FGF14: variants seen among roughly 807,000 people sequenced by gnomAD.
FGF14 encodes the protein fibroblast growth factor 14.
A neutral mutation model predicts 25.5 loss-of-function variants in FGF14; 5 were observed. That is an observed-to-expected ratio of 0.20 (90% CI 0.10 to 0.41). The LOEUF (loss-of-function observed/expected upper bound fraction) is 0.41. Ranked by LOEUF, FGF14 falls within the 10% of genes least tolerant of loss-of-function variation. The pLI, the probability that FGF14 is intolerant of heterozygous loss-of-function variation, is 1.00. For synonymous variants in FGF14, 138 were observed against 118.3 expected (o/e 1.17, Z -1.08); for missense variants, 222 against 320.1 (o/e 0.69, Z 2.34).
intron 3 of FGF14, among the ~76,000 whole-genome samples, chr13:101,797,799 CAG>C (rs1164191264): frequency 7.7e-6 from 1 of 129,310 alleles, no homozygotes; most frequent in Admixed American, 7.9e-5. Flanking sequence ...TCAGTAGAAA[CAG>C]AGATGGTTAG....
chr13:101,872,427 A>G lies in FGF14; in HGVS notation c.304+2759T>C, dbSNP rs7993112. Among the ~76,000 whole-genome samples the G allele has an allele frequency of 6.5e-3, 995 of 152,014 alleles. 9 individuals are homozygous for G. Among genetic ancestry groups the G allele is most frequent in the South Asian group, 0.013 (63 of 4,806 alleles). On this transcript the variant is annotated intron_variant, in intron 2 of 4. Coordinates refer to ENST00000376143, the MANE Select transcript of FGF14 (RefSeq NM_004115.4). ...TTACATCACCTCTGTCCTCACAACA[A>G]AAGAGCTGTACTCTAAGTAGGACCT...
intron 3 of FGF14, among the ~76,000 whole-genome samples, chr13:101,827,435 A>C (rs2042441986): frequency 6.6e-6 from 1 of 151,898 alleles, no homozygotes; most frequent in Non-Finnish European, 1.5e-5. Flanking sequence ...GAGTTTTTAT[A>C]TTTGTATTTT....
chr13:102,238,147 T>G (rs1014741303), intron 1 of FGF14, among the ~76,000 whole-genome samples: 6 of 152,182 alleles, frequency 3.9e-5, no homozygotes, highest in Non-Finnish European at 8.8e-5. Flanking sequence ...AAATTTGTAT[T>G]GTAAAGGCTG....
rs985686791 is a variant in FGF14, at chr13:102,401,432, T to G, written c.208+39A>C. ...AGCTCGATGAGCAACAGACAGGTTA[T>G]TATGAGGAAAAACATAACATGATGC... is the stretch of plus-strand genomic sequence containing the variant. On this transcript the variant is annotated intron_variant, in intron 1 of 4. Transcript: ENST00000376131. 3 of 1,586,308 alleles carry G rather than the reference T, an allele frequency of 1.9e-6. No homozygotes were observed. In the African/African-American group the frequency reaches 4.0e-5, roughly 21 times the overall value.
rs139905838 is a variant in FGF14, at chr13:101,951,196, C to G, written c.209-75900G>C. Among the ~76,000 whole-genome samples the G allele has an allele frequency of 4.8e-4, 73 of 152,182 alleles. 1 individual carries two copies. Among genetic ancestry groups the G allele is most frequent in the African/African-American group, 1.6e-3 (68 of 41,544 alleles). ...AAGAACGTTGTCCTTTATTAAGGAA[C>G]AAACATGGAAAATTGCCTAAGGTTT... On this transcript the variant is annotated intron_variant, in intron 1 of 4. Coordinates refer to the FGF14 transcript ENST00000376131.
intron 1 of FGF14, among the ~76,000 whole-genome samples, chr13:102,170,904 G>T (rs916791900): frequency 1.3e-4 from 20 of 152,028 alleles, no homozygotes; most frequent in Admixed American, 1.2e-3. Flanking sequence ...GGTGCAAAAT[G>T]GTTCATGTCA....
intron 3 of FGF14, among the ~76,000 whole-genome samples, chr13:101,759,058 C>T (rs1178990167): frequency 6.6e-6 from 1 of 152,202 alleles, no homozygotes; most frequent in Non-Finnish European, 1.5e-5. Flanking sequence ...CTTTCTGAGT[C>T]AAGTGCAGAA....
At chr13:102,268,999 T>C (rs2053124901) in intron 1 of FGF14, among the ~76,000 whole-genome samples, 1 of 152,192 alleles carries the variant, frequency 6.6e-6, no homozygotes, top group South Asian at 2.1e-4. Flanking sequence ...ATTAGCAATC[T>C]GGAGAGATAC....
chr13:102,076,175 C>T (rs569997330), intron 1 of FGF14, among the ~76,000 whole-genome samples: 64 of 152,326 alleles, frequency 4.2e-4, no homozygotes, highest in African/African-American at 1.5e-3. Flanking sequence ...TTCACATCCA[C>T]TCACCACTCA....
chr13:102,122,313 G>A (rs1458559409), intron 1 of FGF14, among the ~76,000 whole-genome samples: 1 of 152,212 alleles, frequency 6.6e-6, no homozygotes. Flanking sequence ...CCAAAGGCTC[G>A]TCAAACTGGA....
At chr13:101,939,550 AG>A (rs2035309383) in intron 1 of FGF14, among the ~76,000 whole-genome samples, 1 of 152,222 alleles carries the variant, frequency 6.6e-6, no homozygotes, top group Admixed American at 6.5e-5. Context: ...AGGAAGCCCC[AG>A]GGTGTTGGGT....
At chr13:102,265,543 T>A (rs2052946834) in intron 1 of FGF14, among the ~76,000 whole-genome samples, 1 of 152,172 alleles carries the variant, frequency 6.6e-6, no homozygotes, top group Non-Finnish European at 1.5e-5. Context: ...ATGTAAAATG[T>A]AAATATTGAC....
At chr13:101,868,639 G>C in intron 3 of FGF14, 86 bp downstream of exon 3, 1 of 889,768 alleles carries the variant, frequency 1.1e-6, no homozygotes. Flanking sequence ...AGAAACAACA[G>C]ACATAGAACT....
chr13:101,954,699 A>AGTGTGTGT (rs5806259), intron 1 of FGF14, among the ~76,000 whole-genome samples: 6 of 150,762 alleles, frequency 4.0e-5, no homozygotes, highest in South Asian at 4.2e-4. Flanking sequence ...ATTCACTGAA[A>AGTGTGTGT]GTGTGTGTGT....
intron 1 of FGF14, among the ~76,000 whole-genome samples, chr13:102,024,954 T>C (rs1021984792): frequency 7.3e-5 from 11 of 151,188 alleles, no homozygotes; most frequent in East Asian, 5.8e-4. Context: ...TATATATATA[T>C]ACATATGTAA....
intron 1 of FGF14, among the ~76,000 whole-genome samples, chr13:101,981,301 GC>G (rs2038246755): frequency 6.6e-6 from 1 of 151,882 alleles, no homozygotes; most frequent in African/African-American, 2.4e-5. Context: ...AATAAAAGAG[GC>G]CCCAGTAAGC....
intron 1 of FGF14, among the ~76,000 whole-genome samples, chr13:101,886,578 G>A (rs2045999585): frequency 6.6e-6 from 1 of 152,096 alleles, no homozygotes. Context: ...CGTAAGACCT[G>A]AAACTTTAAA....
At chr13:102,143,942 C>A (rs1262400304) in intron 1 of FGF14, among the ~76,000 whole-genome samples, 1 of 152,102 alleles carries the variant, frequency 6.6e-6, no homozygotes, top group Non-Finnish European at 1.5e-5. Context: ...CAGTTTCCTA[C>A]AAAGTAGAAG....
intron 1 of FGF14, among the ~76,000 whole-genome samples, chr13:102,216,283 C>T (rs2050366868): frequency 6.6e-6 from 1 of 152,128 alleles, no homozygotes; most frequent in Non-Finnish European, 1.5e-5. Context: ...GATAGAATGC[C>T]TGGCTTCACC....
Sources: allele counts gnomAD v4.1 joint callset (sites outside exome capture counted in the v4.1 genomes callset), GRCh38; gene constraint gnomAD v4.1.1; transcripts MANE v1.5; gene names NCBI Gene and HGNC (gene_info 2026-07-23, HGNC 2026-07-21).